OR2L13: variants seen among roughly 807,000 people sequenced by gnomAD.
OR2L13 encodes olfactory receptor family 2 subfamily L member 13, also known as olfactory receptor 2L13.
In OR2L13, 14 loss-of-function variants were observed where a neutral mutation model predicts 15.3. The ratio of observed to expected loss-of-function variants is 0.91; its 90% confidence interval spans 0.60 to 1.43. The LOEUF is 1.43. OR2L13 is among the 40% of genes most tolerant of loss of function. The pLI, the probability that OR2L13 is intolerant of heterozygous loss-of-function variation, is 0.00. For synonymous variants in OR2L13, 152 were observed against 142.9 expected, an observed-to-expected ratio of 1.06 and a Z score of -0.45; for missense variants, 367 against 387.9, an observed-to-expected ratio of 0.95 and a Z score of 0.45.
chr1:248,058,353 C>G, the OR2L13 span, among the ~76,000 whole-genome samples: 7 of 152,232 alleles, frequency 4.6e-5, no homozygotes, highest in East Asian at 1.4e-3. Context: ...GATACAGACC[C>G]CCATGGATAG....
chr1:247,949,055 C>T, the OR2L13 span: 20 of 1,613,786 alleles, frequency 1.2e-5, no homozygotes, highest in Non-Finnish European at 1.5e-5. Context: ...GTCAGCTCTC[C>T]CTCATTGACC....
At chr1:248,000,672 T>G in the OR2L13 span, among the ~76,000 whole-genome samples, 1 of 152,024 alleles carries the variant, frequency 6.6e-6, no homozygotes, top group Non-Finnish European at 1.5e-5. Flanking sequence ...TTTAACTGAA[T>G]TCTTCCAGTA....
At chr1:248,022,485 G>T in the OR2L13 span, 1 of 1,614,038 alleles carries the variant, frequency 6.2e-7, no homozygotes, top group African/African-American at 1.3e-5. Context: ...TTTCTGTGAT[G>T]TTCCAGCTAT....
the OR2L13 span, among the ~76,000 whole-genome samples, chr1:248,021,359 A>C: frequency 6.6e-6 from 1 of 152,224 alleles, no homozygotes; most frequent in South Asian, 2.1e-4. Context: ...CAGTCTAACT[A>C]AACTAAGGAT....
the OR2L13 span, among the ~76,000 whole-genome samples, chr1:248,034,405 T>G: frequency 2.0e-5 from 3 of 151,436 alleles, no homozygotes; most frequent in South Asian, 6.2e-4. Context: ...AAAGTATCAG[T>G]TTTTCAATTT....
At chr1:248,069,863 C>A in the OR2L13 span, among the ~76,000 whole-genome samples, 6 of 151,954 alleles carry the variant, frequency 3.9e-5, no homozygotes, top group Non-Finnish European at 7.4e-5. Context: ...CAACAAAGAT[C>A]AAAAGAGACA....
At chr1:247,985,310 C>A in the OR2L13 span, among the ~76,000 whole-genome samples, 1 of 151,880 alleles carries the variant, frequency 6.6e-6, no homozygotes, top group Non-Finnish European at 1.5e-5. Context: ...CTTCCTGTGT[C>A]CATGTGTTCT....
At chr1:248,074,106 C>T in the OR2L13 span, among the ~76,000 whole-genome samples, 1 of 151,730 alleles carries the variant, frequency 6.6e-6, no homozygotes, top group Non-Finnish European at 1.5e-5. Context: ...TACTTTTCTC[C>T]AGAATAAATA....
the OR2L13 span, among the ~76,000 whole-genome samples, chr1:247,976,813 A>T: frequency 6.6e-6 from 1 of 152,300 alleles, no homozygotes; most frequent in South Asian, 2.1e-4. Context: ...CTTCATCTTA[A>T]GTTGAATGCA....
At chr1:247,986,998 A>T in the OR2L13 span, among the ~76,000 whole-genome samples, 1 of 152,048 alleles carries the variant, frequency 6.6e-6, no homozygotes, top group Non-Finnish European at 1.5e-5. Flanking sequence ...GTCATTTTTC[A>T]GTGTATAAGC....
chr1:247,956,930 CT>C, the OR2L13 span, among the ~76,000 whole-genome samples: 1 of 152,096 alleles, frequency 6.6e-6, no homozygotes, highest in Non-Finnish European at 1.5e-5. Flanking sequence ...GTTGAATCCC[CT>C]TTATTTCCTT....
chr1:247,974,299 G>A, the OR2L13 span, among the ~76,000 whole-genome samples: 2 of 152,022 alleles, frequency 1.3e-5, no homozygotes, highest in Non-Finnish European at 2.9e-5. Context: ...GATAGCATTA[G>A]GACAAATACC....
the OR2L13 span, among the ~76,000 whole-genome samples, chr1:248,072,483 G>A: frequency 6.6e-6 from 1 of 151,984 alleles, no homozygotes; most frequent in African/African-American, 2.4e-5. Context: ...AATTCAAGAT[G>A]GATTAAAGAC....
the OR2L13 span, among the ~76,000 whole-genome samples, chr1:248,035,323 C>T: frequency 6.6e-6 from 1 of 152,024 alleles, no homozygotes; most frequent in Non-Finnish European, 1.5e-5. Context: ...GTGGCAGGTG[C>T]CTGTAGTCCC....
At chr1:248,073,112 A>C in the OR2L13 span, among the ~76,000 whole-genome samples, 10,995 of 147,588 alleles carry the variant, frequency 0.074, 562 homozygotes, top group African/African-American at 0.14. Context: ...TTGACCCAGC[A>C]ATCCCATTAC....
the OR2L13 span, among the ~76,000 whole-genome samples, chr1:248,050,760 A>G: frequency 6.6e-6 from 1 of 152,210 alleles, no homozygotes; most frequent in African/African-American, 2.4e-5. Flanking sequence ...ACCAATAATT[A>G]TACTAGTAAT....
chr1:248,052,548 G>A, the OR2L13 span, among the ~76,000 whole-genome samples: 1 of 152,060 alleles, frequency 6.6e-6, no homozygotes, highest in Non-Finnish European at 1.5e-5. Flanking sequence ...CTAACATGGT[G>A]AAACCCCATC....
At chr1:248,015,974 G>T in the OR2L13 span, among the ~76,000 whole-genome samples, 2 of 152,112 alleles carry the variant, frequency 1.3e-5, no homozygotes, top group Non-Finnish European at 2.9e-5. Flanking sequence ...CATCCTCCTT[G>T]GTTCCCAACT....
At chr1:248,084,042 A>G in the OR2L13 span, 2 of 1,611,432 alleles carry the variant, frequency 1.2e-6, no homozygotes, top group Admixed American at 3.3e-5. Context: ...AGCACAAGCC[A>G]AACGCACCAG....
Sources: allele counts gnomAD v4.1 joint callset (sites outside exome capture counted in the v4.1 genomes callset), GRCh38; gene constraint gnomAD v4.1.1; transcripts MANE v1.5; gene names NCBI Gene and HGNC (gene_info 2026-07-23, HGNC 2026-07-21).